The following CTNNA3 variants were observed in gnomAD, a reference collection of about 807,000 sequenced individuals.
The protein encoded by CTNNA3 is catenin alpha-3.
CTNNA3 carries 76 observed loss-of-function variants against 95.7 expected under a neutral mutation model. The ratio of observed to expected loss-of-function variants is 0.79; its 90% CI spans 0.66 to 0.96. The LOEUF is 0.96. CTNNA3 is among the 40% of genes least tolerant of loss of function. CTNNA3 has a pLI of 0.00. For missense variants in CTNNA3, 1,191 were observed against 1,089.8 expected, an observed-to-expected ratio of 1.09 and a Z score of -1.31; for synonymous variants, 431 against 374.4, an observed-to-expected ratio of 1.15 and a Z score of -1.74.
intron 9 of CTNNA3, among the ~76,000 whole-genome samples, chr10:66,758,891 C>T (rs536466733): frequency 1.3e-5 from 2 of 152,098 alleles, no homozygotes; most frequent in South Asian, 2.1e-4. Context: ...GCCTAGATCA[C>T]GTCACTGCAC....
chr10:66,812,087 G>A (rs941241812), intron 7 of CTNNA3, among the ~76,000 whole-genome samples: 2 of 152,012 alleles, frequency 1.3e-5, no homozygotes, highest in African/African-American at 2.4e-5. Flanking sequence ...TCTCACTGTA[G>A]TCAGCCTTAC....
chr10:67,182,679 T>C (rs1862617640), intron 6 of CTNNA3, among the ~76,000 whole-genome samples: 1 of 152,086 alleles, frequency 6.6e-6, no homozygotes, highest in South Asian at 2.1e-4. Context: ...AAAGTCAAAA[T>C]TGACAAATGG....
chr10:66,082,848 G>A (rs1043633682), intron 14 of CTNNA3, among the ~76,000 whole-genome samples: 7 of 151,964 alleles, frequency 4.6e-5, no homozygotes, highest in Non-Finnish European at 2.9e-5. Context: ...TTCTTAGATG[G>A]GCCCCATCTG....
intron 13 of CTNNA3, among the ~76,000 whole-genome samples, chr10:66,184,770 C>G (rs959537732): frequency 5.3e-5 from 8 of 152,108 alleles, no homozygotes; most frequent in South Asian, 2.1e-4. Context: ...CAAATCAAAC[C>G]TCTTATCATT....
Position 65,920,281 on chromosome 10 carries a change from T to C in CTNNA3, c.*49A>G, listed in dbSNP as rs1229131074. ...TTCTTAAGTGTAAAATAAAGCAGTG[T>C]GGTTAGGCAGGATTTTGTCATATAG... is the stretch of plus-strand genomic sequence containing the variant. On this transcript the variant is annotated 3_prime_UTR_variant, in exon 18 of 18. Transcript: ENST00000433211. 2.7e-6 allele frequency: 4 copies of C among 1,462,898 alleles called. No homozygotes were observed. Among genetic ancestry groups the C allele is most frequent in the Admixed American group, 1.9e-5 (1 of 51,630 alleles). The allele number at this position is 1,462,898 out of a possible 1,614,324, so 90.6% of individuals were successfully genotyped here. A position where few individuals can be genotyped will look rare whatever the true frequency, so the allele number is the denominator to read the frequency against.
intron 11 of CTNNA3, among the ~76,000 whole-genome samples, chr10:66,390,558 C>A (rs2092926873): frequency 1.3e-5 from 2 of 152,040 alleles, no homozygotes; most frequent in East Asian, 1.9e-4. Flanking sequence ...AAAAAGTTTC[C>A]ATTTTTGCAT....
Position 66,832,161 on chromosome 10 carries a change from G to A in CTNNA3, c.1048-56637C>T, listed in dbSNP as rs1842741803. On this transcript the variant is annotated intron_variant, in intron 7 of 17. Transcript: ENST00000433211. ...CAAAGACATAATATTTCTATAAGTT[G>A]GGAAGAAACTACACTCATTTTGGCA... Among the ~76,000 whole-genome samples, 4 of 152,098 alleles carry A rather than the reference G, an allele frequency of 2.6e-5. No homozygotes were observed. In the South Asian group the frequency reaches 8.3e-4, roughly 32 times the overall value.
chr10:67,381,339 T>C (rs913496372), intron 5 of CTNNA3, among the ~76,000 whole-genome samples: 1 of 152,186 alleles, frequency 6.6e-6, no homozygotes. Flanking sequence ...ATAAATTCAA[T>C]CTTCTTAACA....
At chr10:67,521,448 A>G (rs1839982634) in intron 5 of CTNNA3, among the ~76,000 whole-genome samples, 1 of 152,170 alleles carries the variant, frequency 6.6e-6, no homozygotes, top group African/African-American at 2.4e-5. Context: ...TTAATGTTGC[A>G]TGTACACCCA....
chr10:67,553,885 A>G (rs1450232567), intron 3 of CTNNA3, among the ~76,000 whole-genome samples: 1 of 151,944 alleles, frequency 6.6e-6, no homozygotes, highest in African/African-American at 2.4e-5. Context: ...CATTAGGTAT[A>G]TCTCCTAATG....
chr10:67,461,296 C>T (rs1847364180), intron 5 of CTNNA3, among the ~76,000 whole-genome samples: 1 of 152,018 alleles, frequency 6.6e-6, no homozygotes, highest in African/African-American at 2.4e-5. Context: ...GTGCCACTAA[C>T]CATTAAAATT....
At chr10:67,450,692 T>C (rs1040637413) in intron 5 of CTNNA3, among the ~76,000 whole-genome samples, 20 of 152,050 alleles carry the variant, frequency 1.3e-4, no homozygotes, top group Non-Finnish European at 5.9e-5. Context: ...CTAGGCTTAA[T>C]ACCTGGGTGA....
chr10:67,301,229 T>C (rs1325379792), intron 5 of CTNNA3, among the ~76,000 whole-genome samples: 1 of 152,194 alleles, frequency 6.6e-6, no homozygotes, highest in East Asian at 1.9e-4. Context: ...CTTTTTTCTA[T>C]TTAACTTCCT....
intron 11 of CTNNA3, among the ~76,000 whole-genome samples, chr10:66,390,046 A>C (rs1333590038): frequency 6.6e-6 from 1 of 152,200 alleles, no homozygotes; most frequent in Non-Finnish European, 1.5e-5. Context: ...AGTTTTCAAC[A>C]GTTAAAGCCA....
chr10:66,116,306 A>G (rs530752573), intron 13 of CTNNA3, among the ~76,000 whole-genome samples: 1 of 152,308 alleles, frequency 6.6e-6, no homozygotes, highest in East Asian at 1.9e-4. Context: ...TTTTTTTAAA[A>G]TGTCCATGTA....
At chr10:66,989,541 A>C (rs1850927077) in intron 7 of CTNNA3, among the ~76,000 whole-genome samples, 1 of 152,188 alleles carries the variant, frequency 6.6e-6, no homozygotes, top group African/African-American at 2.4e-5. Flanking sequence ...GATTAGCCTG[A>C]TACATGTATG....
At chr10:66,700,058 T>C (rs1482524095) in intron 9 of CTNNA3, among the ~76,000 whole-genome samples, 1 of 152,182 alleles carries the variant, frequency 6.6e-6, no homozygotes, top group Non-Finnish European at 1.5e-5. Flanking sequence ...ATTAACTCCT[T>C]GTCAGATAGT....
chr10:66,064,401 A>G (rs2080272503), intron 15 of CTNNA3, among the ~76,000 whole-genome samples: 1 of 152,118 alleles, frequency 6.6e-6, no homozygotes, highest in Non-Finnish European at 1.5e-5. Flanking sequence ...ATGTGTCAAC[A>G]CCTTTTCTAA....
chr10:66,485,150 C>T (rs771093414), intron 11 of CTNNA3, among the ~76,000 whole-genome samples: 7 of 152,066 alleles, frequency 4.6e-5, no homozygotes, highest in Non-Finnish European at 1.0e-4. Context: ...AAGCTGAAAG[C>T]TTCTCTTCTA....
Sources: allele counts gnomAD v4.1 joint callset (sites outside exome capture counted in the v4.1 genomes callset), GRCh38; gene constraint gnomAD v4.1.1; transcripts MANE v1.5; gene names NCBI Gene and HGNC (gene_info 2026-07-23, HGNC 2026-07-21).